PIK3C3: variants seen among roughly 807,000 people sequenced by gnomAD.
The protein encoded by PIK3C3 is phosphatidylinositol 3-kinase catalytic subunit type 3.
PIK3C3 carries 95 observed loss-of-function variants against 126.1 expected under a neutral mutation model. The ratio of observed to expected loss-of-function variants is 0.75; its 90% CI spans 0.64 to 0.89. The LOEUF (loss-of-function observed/expected upper bound fraction) is 0.89. PIK3C3 is among the 40% of genes least tolerant of loss of function. PIK3C3 has a pLI of 0.00. For synonymous variants in PIK3C3, 374 were observed against 360.0 expected (o/e 1.04, Z -0.44); for missense variants, 829 against 1,063.2 (o/e 0.78, Z 3.06).
chr18:42,039,264 T>C (rs1256893028), intron 18 of PIK3C3, among the ~76,000 whole-genome samples: 3 of 152,216 alleles, frequency 2.0e-5, no homozygotes, highest in African/African-American at 7.2e-5. Flanking sequence ...TTTATACTAG[T>C]AGTTACTGAG....
intron 10 of PIK3C3, among the ~76,000 whole-genome samples, chr18:42,006,805 T>C (rs1982566869): frequency 6.6e-6 from 1 of 152,094 alleles, no homozygotes; most frequent in African/African-American, 2.4e-5. Flanking sequence ...GTAACTGTAT[T>C]TTAGTGAAGA....
chr18:41,958,592 G>A (rs769025798), intron 2 of PIK3C3, among the ~76,000 whole-genome samples: 5 of 152,196 alleles, frequency 3.3e-5, no homozygotes, highest in Admixed American at 6.5e-5. Flanking sequence ...TGGCCATATC[G>A]AAACCAAGTA....
intron 16 of PIK3C3, among the ~76,000 whole-genome samples, chr18:42,037,235 C>T (rs1984096276): frequency 6.6e-6 from 1 of 152,084 alleles, no homozygotes; most frequent in Non-Finnish European, 1.5e-5. Flanking sequence ...ACTGTTTCAC[C>T]TTATTTATTT....
At chr18:41,999,962 C>T (rs752044143) in intron 9 of PIK3C3, among the ~76,000 whole-genome samples, 6 of 152,074 alleles carry the variant, frequency 3.9e-5, no homozygotes, top group Admixed American at 6.6e-5. Flanking sequence ...CAGATTGTGA[C>T]GAGCCTCAAA....
chr18:42,018,979 T>C (rs1983199798), intron 12 of PIK3C3, among the ~76,000 whole-genome samples: 1 of 152,120 alleles, frequency 6.6e-6, no homozygotes, highest in Non-Finnish European at 1.5e-5. Flanking sequence ...TTGATCTTCC[T>C]GCTCTGCAGT....
intron 10 of PIK3C3, among the ~76,000 whole-genome samples, chr18:42,010,562 C>T (rs998025529): frequency 5.3e-5 from 8 of 152,220 alleles, no homozygotes; most frequent in Admixed American, 1.3e-4. Flanking sequence ...GACAGGGTTT[C>T]GCCATGTTAG....
At chr18:42,020,615 T>C (rs1041124566) in intron 12 of PIK3C3, 23 bp from the exon 13 acceptor site, 1 of 1,513,268 alleles carries the variant, frequency 6.6e-7, no homozygotes. Context: ...TAATATATAA[T>C]ACATTTCTTT....
chr18:42,013,684 C>T, intron 11 of PIK3C3, 88 bp downstream of exon 11: 1 of 957,278 alleles, frequency 1.0e-6, no homozygotes, highest in Non-Finnish European at 1.6e-6. Context: ...TTAGATGTAC[C>T]AAATGCTAGT....
In PIK3C3 at chr18:42,082,282, C is replaced by T. The variant is rs752652732; in HGVS notation, c.*1145C>T. 1 of 152,114 alleles carries T rather than the reference C, an allele frequency of 6.6e-6. No individual in the cohort carries two copies. The highest frequency in any genetic ancestry group is 1.5e-5 in the Non-Finnish European group (1 of 68,006). The allele number at this position is 152,114 out of a possible 1,614,324, so 9.4% of individuals were successfully genotyped here. A position where few individuals can be genotyped will look rare whatever the true frequency, so the allele number is the denominator to read the frequency against. The stretch of plus-strand genomic sequence containing the variant: ...AGAGAAGATGAAGGTAAAATTGTGG[C>T]ACAGTTTCAGAGAATGCCGTTAATG... On this transcript the variant is annotated 3_prime_UTR_variant, in exon 25 of 25. Coordinates refer to ENST00000262039, the MANE Select transcript of PIK3C3 (RefSeq NM_002647.4).
chr18:41,968,567 A>G (rs1165393571), intron 3 of PIK3C3, among the ~76,000 whole-genome samples: 1 of 152,142 alleles, frequency 6.6e-6, no homozygotes, highest in Non-Finnish European at 1.5e-5. Context: ...TTTTATTGCC[A>G]ACTTTAGAGA....
At chr18:42,042,903 T>C (rs1984387440) in intron 19 of PIK3C3, among the ~76,000 whole-genome samples, 1 of 152,186 alleles carries the variant, frequency 6.6e-6, no homozygotes, top group Non-Finnish European at 1.5e-5. Context: ...TCTGTAAGGT[T>C]GAATGTATAA....
chr18:41,956,431 T>C (rs1407230516), intron 1 of PIK3C3, among the ~76,000 whole-genome samples: 2 of 151,976 alleles, frequency 1.3e-5, no homozygotes, highest in Admixed American at 6.6e-5. Flanking sequence ...TTATACAGGA[T>C]CAATATTGAT....
chr18:41,989,217 G>T (rs1001378287), intron 5 of PIK3C3, among the ~76,000 whole-genome samples: 2 of 151,958 alleles, frequency 1.3e-5, no homozygotes, highest in African/African-American at 4.8e-5. Flanking sequence ...AAGTTGCTAG[G>T]ACTACAGGCC....
At chr18:41,976,013 T>C (rs973894926) in intron 4 of PIK3C3, among the ~76,000 whole-genome samples, 4 of 152,156 alleles carry the variant, frequency 2.6e-5, no homozygotes, top group African/African-American at 9.7e-5. Flanking sequence ...AGGACTTTCT[T>C]TATAGTATCC....
chr18:41,961,866 C>T (rs372531073), intron 2 of PIK3C3, among the ~76,000 whole-genome samples: 1 of 151,930 alleles, frequency 6.6e-6, no homozygotes, highest in East Asian at 1.9e-4. Flanking sequence ...ACAAACATTC[C>T]TCAGTGAAAG....
At chr18:41,980,234 A>G (rs1433631910) in intron 4 of PIK3C3, among the ~76,000 whole-genome samples, 1 of 152,170 alleles carries the variant, frequency 6.6e-6, no homozygotes, top group Non-Finnish European at 1.5e-5. Context: ...TGTAAGAAAT[A>G]TCTATACTTG....
intron 10 of PIK3C3, among the ~76,000 whole-genome samples, chr18:42,009,697 ATG>A (rs1982722528): frequency 1.4e-5 from 2 of 147,660 alleles, no homozygotes; most frequent in Admixed American, 6.7e-5. Flanking sequence ...AATGTACATT[ATG>A]TAATGCTTAC....
intron 24 of PIK3C3, among the ~76,000 whole-genome samples, chr18:42,079,555 A>T (rs1986160620): frequency 6.8e-6 from 1 of 147,924 alleles, no homozygotes; most frequent in South Asian, 2.2e-4. Flanking sequence ...GCGCAAGCAG[A>T]GTTGCCACAG....
intron 4 of PIK3C3, among the ~76,000 whole-genome samples, chr18:41,976,402 CATT>C (rs1980926100): frequency 6.6e-6 from 1 of 151,930 alleles, no homozygotes; most frequent in African/African-American, 2.4e-5. Context: ...TTCCTGATGT[CATT>C]ATTGTTAGTG....
Sources: gnomAD v4.1 joint callset for allele counts (sites outside exome capture counted in the v4.1 genomes callset) on GRCh38, gnomAD v4.1.1 for gene constraint, MANE v1.5 for transcripts, NCBI Gene and HGNC (gene_info 2026-07-23, HGNC 2026-07-21) for gene names.